The following OSBPL8 variants were observed in gnomAD, a reference collection of about 807,000 sequenced individuals.
OSBPL8 encodes the protein oxysterol binding protein like 8, also known as oxysterol-binding protein-related protein 8.
In OSBPL8, 59 loss-of-function variants were observed where a neutral mutation model predicts 125.5. That is an observed-to-expected ratio of 0.47 (90% confidence interval 0.38 to 0.58). The LOEUF (loss-of-function observed/expected upper bound fraction) is 0.58, where lower values mean the gene tolerates loss of function less well. Ranked by LOEUF, OSBPL8 falls within the 20% of genes least tolerant of loss-of-function variation. The pLI, the probability that OSBPL8 is intolerant of heterozygous loss-of-function variation, is 0.00. For synonymous variants in OSBPL8, 330 were observed against 338.9 expected (o/e 0.97, Z 0.29); for missense variants, 758 against 1,047.8 (o/e 0.72, Z 3.82).
At chr12:76,482,919 T>C (rs1261357610) in intron 2 of OSBPL8, among the ~76,000 whole-genome samples, 1 of 152,102 alleles carries the variant, frequency 6.6e-6, no homozygotes, top group Non-Finnish European at 1.5e-5. Flanking sequence ...ACCAGAAAAA[T>C]AGAACCATAT....
chr12:76,465,606 G>A (rs1875320764), intron 2 of OSBPL8, among the ~76,000 whole-genome samples: 1 of 151,954 alleles, frequency 6.6e-6, no homozygotes, highest in Non-Finnish European at 1.5e-5. Flanking sequence ...TGTGTCCACG[G>A]ATATTTACCA....
Position 76,414,387 on chromosome 12 carries a change from A to G in OSBPL8, c.218-3753T>C, listed in dbSNP as rs1167820100. On this transcript the variant is annotated intron_variant, in intron 4 of 23. Transcript: ENST00000261183. The stretch of plus-strand genomic sequence containing the variant: ...TGTGTATTTATATATATATTTGGAT[A>G]TAGATATTGATATTGGTACATATAT... Among the ~76,000 whole-genome samples, 3 of 150,430 alleles carry G rather than the reference A, an allele frequency of 2.0e-5. No individual in the cohort carries two copies. In the East Asian group the frequency reaches 5.8e-4, roughly 29 times the overall value.
At chr12:76,519,567 T>C (rs1372576142) in intron 1 of OSBPL8, among the ~76,000 whole-genome samples, 1 of 152,160 alleles carries the variant, frequency 6.6e-6, no homozygotes. Context: ...TTTTTTGTAT[T>C]ATACTGTTCT....
Position 76,402,731 on chromosome 12 carries a change from G to A in OSBPL8, c.324C>T (p.Asp108=). The change falls in exon 6 of 24, where the codon GAC becomes GAT. Residue 108 remains aspartate (D), a synonymous_variant. Transcript: ENST00000261183. ...TTGTGAGTTTGCTTGAAGTTGAACT[G>A]TCCTTCTCTGAGCCATTATAAAGTT... The part of the protein sequence containing the change: ...ESKLYNGSEK[D]SSTSSKLTKK... 1 of 1,607,848 alleles carries A rather than the reference G, an allele frequency of 6.2e-7. No individual in the cohort carries two copies. Among genetic ancestry groups the A allele is most frequent in the South Asian group, 1.1e-5 (1 of 90,860 alleles).
At position 76,502,463 on chromosome 12, in the gene OSBPL8, T is replaced by C. The variant is rs569524583; in HGVS notation, c.-67-14845A>G. On this transcript the variant is annotated intron_variant, in intron 1 of 23. Transcript: ENST00000261183. ...TCAGCAGGCAAAGAAGGGGGTTTAC[T>C]AGGCTGGCTGAGGTGAGCGATCCTA... Among the ~76,000 whole-genome samples the C allele has an allele frequency of 2.0e-5, 3 of 152,306 alleles. No individual in the cohort carries two copies. In the East Asian group the frequency reaches 5.8e-4, roughly 29 times the overall value.
chr12:76,557,058 C>G (rs1951125986), intron 1 of OSBPL8, among the ~76,000 whole-genome samples: 1 of 152,138 alleles, frequency 6.6e-6, no homozygotes, highest in Non-Finnish European at 1.5e-5. Flanking sequence ...TTTGAATTGC[C>G]TGATGCTCCA....
intron 1 of OSBPL8, among the ~76,000 whole-genome samples, chr12:76,519,054 G>A (rs937857572): frequency 6.6e-6 from 1 of 152,118 alleles, no homozygotes; most frequent in Non-Finnish European, 1.5e-5. Context: ...CTATCACAGG[G>A]ACAAACTCTA....
At chr12:76,549,656 C>A (rs1950881211) in intron 1 of OSBPL8, among the ~76,000 whole-genome samples, 1 of 152,154 alleles carries the variant, frequency 6.6e-6, no homozygotes, top group Non-Finnish European at 1.5e-5. Context: ...CCGCCTCGGC[C>A]TCCCAAAGTG....
chr12:76,457,086 A>G (rs936125338), intron 3 of OSBPL8, among the ~76,000 whole-genome samples: 10 of 152,220 alleles, frequency 6.6e-5, no homozygotes, highest in Non-Finnish European at 2.9e-5. Context: ...ATGATGAGAA[A>G]TGACTTTTTA....
At chr12:76,375,499 A>G in intron 16 of OSBPL8, 129 bp from the exon 17 acceptor site, 2 of 610,430 alleles carry the variant, frequency 3.3e-6, no homozygotes, top group Non-Finnish European at 5.6e-6. Flanking sequence ...ACTCAAATGA[A>G]AAACTATAAT....
chr12:76,369,192 T>C (rs748553273), intron 21 of OSBPL8, 22 bp downstream of exon 21: 2 of 1,598,090 alleles, frequency 1.3e-6, no homozygotes, highest in South Asian at 2.3e-5. Context: ...ATACCTAGTG[T>C]ACCTAGTTTT....
intron 4 of OSBPL8, among the ~76,000 whole-genome samples, chr12:76,449,725 G>A (rs1873153355): frequency 6.6e-6 from 1 of 152,132 alleles, no homozygotes; most frequent in South Asian, 2.1e-4. Context: ...TTTTTAATGT[G>A]TCAACACTTG....
At chr12:76,406,583 A>G (rs372069288) in intron 5 of OSBPL8, among the ~76,000 whole-genome samples, 10 of 152,302 alleles carry the variant, frequency 6.6e-5, no homozygotes, top group African/African-American at 2.2e-4. Context: ...CATTCATACA[A>G]TGAAAAAGCC....
At chr12:76,387,701 G>A (rs1953377502) in intron 12 of OSBPL8, among the ~76,000 whole-genome samples, 3 of 152,126 alleles carry the variant, frequency 2.0e-5, no homozygotes, top group Admixed American at 2.0e-4. Flanking sequence ...AAGATGAGAT[G>A]TGAGACAGAA....
chr12:76,377,354 G>T (rs181690809), intron 16 of OSBPL8, among the ~76,000 whole-genome samples: 1 of 152,256 alleles, frequency 6.6e-6, no homozygotes, highest in African/African-American at 2.4e-5. Flanking sequence ...TAGCCACACC[G>T]TCTTCCACAA....
intron 15 of OSBPL8, among the ~76,000 whole-genome samples, chr12:76,381,398 A>C (rs1953043945): frequency 6.6e-6 from 1 of 152,198 alleles, no homozygotes; most frequent in African/African-American, 2.4e-5. Flanking sequence ...TACTAAATCA[A>C]TTTATCTGAT....
intron 2 of OSBPL8, among the ~76,000 whole-genome samples, chr12:76,486,611 T>C (rs1468148740): frequency 1.3e-5 from 2 of 152,220 alleles, no homozygotes. Context: ...ATTTAGTCCA[T>C]CCTACTAGTG....
chr12:76,552,790 T>G lies in OSBPL8; in HGVS notation c.-68+6607A>C, dbSNP rs917197031. Among the ~76,000 whole-genome samples, 4 of 152,200 alleles carry G rather than the reference T, an allele frequency of 2.6e-5. No homozygotes were observed. In the East Asian group the frequency reaches 5.8e-4, roughly 22 times the overall value. Reference sequence around the variant, plus strand: ...AAGTGGCTGTACCAGTTCTGAACTTTGGCAGTCTGGCTCCAGGGTTCGTGC... The same window carrying G: ...AAGTGGCTGTACCAGTTCTGAACTTGGGCAGTCTGGCTCCAGGGTTCGTGC... On this transcript the variant is annotated intron_variant, in intron 1 of 23. Coordinates refer to ENST00000261183, the MANE Select transcript of OSBPL8 (RefSeq NM_020841.5).
At chr12:76,535,863 GACAT>G in intron 1 of OSBPL8, among the ~76,000 whole-genome samples, 1 of 152,256 alleles carries the variant, frequency 6.6e-6, no homozygotes, top group African/African-American at 2.4e-5. Context: ...GTCATTGTCT[GACAT>G]AGAGTAGGAA....
Sources: allele counts gnomAD v4.1 joint callset (sites outside exome capture counted in the v4.1 genomes callset), GRCh38; gene constraint gnomAD v4.1.1; transcripts MANE v1.5; gene names NCBI Gene and HGNC (gene_info 2026-07-23, HGNC 2026-07-21).